TPH2: variants seen among roughly 807,000 people sequenced by gnomAD.
TPH2 encodes the protein tryptophan hydroxylase 2, also known as tryptophan 5-hydroxylase 2.
In TPH2, 27 loss-of-function variants were observed where a neutral mutation model predicts 59.1. That is an observed-to-expected ratio of 0.46 (90% CI 0.34 to 0.63). The LOEUF is 0.63. Among genes scored for constraint, TPH2 ranks in the 30% least tolerant of loss-of-function variants. TPH2 has a pLI of 0.01. For synonymous variants in TPH2, 220 were observed against 210.5 expected (o/e 1.05, Z -0.39); for missense variants, 523 against 588.3 (o/e 0.89, Z 1.15).
chr12:71,991,692 C>T (rs1404774056), intron 7 of TPH2, among the ~76,000 whole-genome samples: 1 of 152,084 alleles, frequency 6.6e-6, no homozygotes, highest in Non-Finnish European at 1.5e-5. Context: ...AGAATGAGTC[C>T]ATAGGGTCCA....
intron 8 of TPH2, among the ~76,000 whole-genome samples, chr12:72,020,410 A>G (rs1479458241): frequency 6.6e-6 from 1 of 152,240 alleles, no homozygotes; most frequent in South Asian, 2.1e-4. Flanking sequence ...CATAGAAAGA[A>G]TGAAAAGATG....
chr12:71,975,466 T>C (rs1872090815), intron 6 of TPH2, among the ~76,000 whole-genome samples: 1 of 152,182 alleles, frequency 6.6e-6, no homozygotes, highest in Admixed American at 6.5e-5. Flanking sequence ...CACGCTCAAG[T>C]CTGAACAGCT....
chr12:72,000,763 C>T (rs1322500816), intron 8 of TPH2, among the ~76,000 whole-genome samples: 2 of 152,150 alleles, frequency 1.3e-5, no homozygotes, highest in African/African-American at 4.8e-5. Context: ...GAAAACAGAC[C>T]TTTCATCTAT....
intron 6 of TPH2, among the ~76,000 whole-genome samples, chr12:71,973,989 G>T (rs1214658842): frequency 6.6e-6 from 1 of 152,098 alleles, no homozygotes; most frequent in Non-Finnish European, 1.5e-5. Context: ...AAGAGGCAAA[G>T]TTTCACGGTG....
At chr12:71,975,999 C>T (rs776830557) in intron 6 of TPH2, among the ~76,000 whole-genome samples, 1 of 152,138 alleles carries the variant, frequency 6.6e-6, no homozygotes, top group Non-Finnish European at 1.5e-5. Context: ...TTGTATTTGC[C>T]CCCCAAATTA....
intron 7 of TPH2, among the ~76,000 whole-genome samples, chr12:71,989,895 A>G (rs546411196): frequency 3.3e-5 from 5 of 151,686 alleles, no homozygotes; most frequent in Admixed American, 3.3e-4. Flanking sequence ...AGGGCTTATC[A>G]GAGAAGATTC....
intron 5 of TPH2, chr12:71,964,546 T>G: frequency 1.0e-6 from 1 of 984,970 alleles, no homozygotes; most frequent in Non-Finnish European, 1.2e-6. Context: ...TAAGCCATCT[T>G]CTTGAATACT....
At chr12:71,977,790 T>C (rs1872162660) in intron 6 of TPH2, among the ~76,000 whole-genome samples, 1 of 152,208 alleles carries the variant, frequency 6.6e-6, no homozygotes, top group Non-Finnish European at 1.5e-5. Flanking sequence ...CATAAAGTTA[T>C]ACACCTTAAA....
chr12:71,972,599 T>C lies in TPH2; in HGVS notation c.689T>C (p.Leu230Pro). The change falls in exon 6 of 11, where the codon CTC becomes CCC. Residue 230 changes from leucine to proline, a missense_variant. Transcript: ENST00000333850. ...GTTGTATTCCGGGAGCTCTCCAAAC[T>C]CTATCCCACTCATGCTTGCCGAGAG... ...WGVVFRELSK[L>P]YPTHACREYL... The C allele has an allele frequency of 6.2e-7, 1 of 1,614,124 alleles. No homozygotes were observed. Among genetic ancestry groups the C allele is most frequent in the Non-Finnish European group, 8.5e-7 (1 of 1,180,014 alleles).
intron 5 of TPH2, among the ~76,000 whole-genome samples, chr12:71,956,198 G>A (rs1279864835): frequency 6.6e-6 from 1 of 152,206 alleles, no homozygotes; most frequent in East Asian, 1.9e-4. Flanking sequence ...ATCCAAGAGA[G>A]TGAGCAAGGC....
At chr12:72,016,389 TC>T (rs1469059770) in intron 8 of TPH2, among the ~76,000 whole-genome samples, 2 of 152,164 alleles carry the variant, frequency 1.3e-5, no homozygotes, top group Admixed American at 6.5e-5. Flanking sequence ...TTTTTCTTGT[TC>T]CCCTTCTAAG....
chr12:71,944,789 T>A lies in TPH2; in HGVS notation c.540+103T>A, dbSNP rs147929090. On this transcript the variant is annotated intron_variant, in intron 4 of 10. Coordinates refer to ENST00000333850, the MANE Select transcript of TPH2 (RefSeq NM_173353.4). Reference sequence around the variant, plus strand: ...GCTGCAATGCTTTATTATAGAACAATTTATTATTTATTCCCCATAACTGAG... The same window carrying A: ...GCTGCAATGCTTTATTATAGAACAAATTATTATTTATTCCCCATAACTGAG... 1.4e-3 allele frequency: 1,497 copies of A among 1,042,790 alleles called. 20 individuals are homozygous for A. In the East Asian group the frequency reaches 0.014, roughly 10 times the overall value. The allele number at this position is 1,042,790 out of a possible 1,614,324, so 64.6% of individuals were successfully genotyped here. A position where few individuals can be genotyped will look rare whatever the true frequency, so the allele number is the denominator to read the frequency against.
intron 6 of TPH2, 56 bp downstream of exon 6, chr12:71,972,771 G>A: frequency 6.4e-7 from 1 of 1,559,750 alleles, no homozygotes. Context: ...TGCCTTCCAA[G>A]GACACAGGTT....
chr12:71,985,747 C>A (rs1049207464), intron 7 of TPH2, among the ~76,000 whole-genome samples: 4 of 152,110 alleles, frequency 2.6e-5, no homozygotes, highest in Admixed American at 6.5e-5. Flanking sequence ...TTTGCTAGAA[C>A]CCTAAAGACT....
chr12:71,980,426 A>G (rs1213676883), intron 7 of TPH2, among the ~76,000 whole-genome samples: 1 of 152,114 alleles, frequency 6.6e-6, no homozygotes, highest in African/African-American at 2.4e-5. Context: ...GGGTAAGTCA[A>G]GTCCCTGAAG....
At chr12:72,008,591 C>T (rs891053643) in intron 8 of TPH2, among the ~76,000 whole-genome samples, 2 of 152,176 alleles carry the variant, frequency 1.3e-5, no homozygotes, top group African/African-American at 4.8e-5. Context: ...CATGATGCTG[C>T]ACACACATTC....
At chr12:71,940,771 G>T (rs1209503262) in intron 1 of TPH2, among the ~76,000 whole-genome samples, 2 of 152,104 alleles carry the variant, frequency 1.3e-5, no homozygotes, top group African/African-American at 4.8e-5. Flanking sequence ...TCTTTAGCCA[G>T]CAGGATTAAT....
At chr12:71,947,421 G>A (rs925231369) in intron 4 of TPH2, among the ~76,000 whole-genome samples, 10 of 151,012 alleles carry the variant, frequency 6.6e-5, no homozygotes, top group African/African-American at 2.4e-4. Context: ...GAGAGAGGGA[G>A]GGTGGGTACT....
intron 8 of TPH2, among the ~76,000 whole-genome samples, chr12:71,997,805 T>C (rs1872730665): frequency 6.6e-6 from 1 of 152,182 alleles, no homozygotes; most frequent in African/African-American, 2.4e-5. Context: ...AGTCACAGTC[T>C]AGTACCCCAA....
Sources: allele counts gnomAD v4.1 joint callset (sites outside exome capture counted in the v4.1 genomes callset), GRCh38; gene constraint gnomAD v4.1.1; transcripts MANE v1.5; gene names NCBI Gene and HGNC (gene_info 2026-07-23, HGNC 2026-07-21).